Variants in USP8 observed in about 807,000 individuals in gnomAD.
USP8 encodes the protein ubiquitin specific peptidase 8, also known as ubiquitin carboxyl-terminal hydrolase 8.
In USP8, 27 loss-of-function variants were observed where a neutral mutation model predicts 130.0. That is an observed-to-expected ratio of 0.21 (90% CI 0.15 to 0.29). The LOEUF (loss-of-function observed/expected upper bound fraction) is 0.29. Among genes scored for constraint, USP8 ranks in the 10% least tolerant of loss-of-function variants. The probability of loss-of-function intolerance (pLI) is 1.00; values close to 1 mark genes in which losing one functional copy is unlikely to be tolerated. For synonymous variants in USP8, 392 were observed against 444.1 expected (o/e 0.88, Z 1.48); for missense variants, 1,029 against 1,312.2 (o/e 0.78, Z 3.33).
At chr15:50,486,187 A>G (rs1393303960) in intron 12 of USP8, among the ~76,000 whole-genome samples, 1 of 152,150 alleles carries the variant, frequency 6.6e-6, no homozygotes, top group Non-Finnish European at 1.5e-5. Flanking sequence ...ATTTCTCCAC[A>G]GAAAGAGGGG....
intron 17 of USP8, 168 bp from the exon 18 acceptor site, chr15:50,496,921 C>T: frequency 1.3e-6 from 1 of 787,790 alleles, no homozygotes; most frequent in Non-Finnish European, 1.9e-6. Flanking sequence ...TCATTGTTCA[C>T]TTGTCTATGC....
intron 1 of USP8, among the ~76,000 whole-genome samples, chr15:50,438,193 T>C (rs1209504612): frequency 2.0e-5 from 3 of 152,236 alleles, no homozygotes; most frequent in African/African-American, 7.2e-5. Flanking sequence ...CATCCCCTGC[T>C]CCAAGTTGTA....
chr15:50,458,117 T>C (rs1191275216), intron 4 of USP8, among the ~76,000 whole-genome samples: 3 of 152,188 alleles, frequency 2.0e-5, no homozygotes, highest in Non-Finnish European at 4.4e-5. Context: ...ACGTACAGTC[T>C]GTCCTGGCAA....
intron 4 of USP8, among the ~76,000 whole-genome samples, chr15:50,450,440 C>CAGTTTTT (rs1467113131): frequency 1.4e-5 from 2 of 140,202 alleles, no homozygotes; most frequent in Non-Finnish European, 3.1e-5. Context: ...CAGTATGTTT[C>CAGTTTTT]AGTTTTTAGT....
In USP8 at chr15:50,499,134, C is replaced by T; in HGVS notation, c.*46C>T. ...AGTTATCTTTTAAAAGGCTCAGCAACACAACTCTTGAAATGCTTATCAGGA... is the reference window on the plus strand; with the variant it reads ...AGTTATCTTTTAAAAGGCTCAGCAATACAACTCTTGAAATGCTTATCAGGA... On this transcript the variant is annotated 3_prime_UTR_variant, in exon 20 of 20. Coordinates refer to ENST00000307179, the MANE Select transcript of USP8 (RefSeq NM_005154.5). 6.6e-7 allele frequency: 1 copy of T among 1,516,238 alleles called. No individual in the cohort carries two copies. Among genetic ancestry groups the T allele is most frequent in the Non-Finnish European group, 8.8e-7 (1 of 1,130,754 alleles). 93.9% of individuals were successfully genotyped at this position (1,516,238 alleles called of 1,614,324 possible).
chr15:50,449,626 T>C (rs1047827623), intron 4 of USP8, 141 bp downstream of exon 4: 3 of 466,018 alleles, frequency 6.4e-6, no homozygotes, highest in Non-Finnish European at 1.0e-5. Context: ...CTGTCGCCCA[T>C]GCTGGAGTGC....
intron 3 of USP8, among the ~76,000 whole-genome samples, chr15:50,442,837 G>A (rs562592859): frequency 2.0e-5 from 3 of 152,196 alleles, no homozygotes; most frequent in South Asian, 4.2e-4. Flanking sequence ...GTGTTGCTGG[G>A]TTTACCTTTA....
rs768948506 is a variant in USP8 at position 50,470,375 on chromosome 15, T to C, written c.687-1258T>C. ...TTAGAAAGGCCTCACAGAGAAGTTA[T>C]TAGCAAATCTTGAAGAAATAAGGGA... On this transcript the variant is annotated intron_variant, in intron 7 of 19. Coordinates refer to ENST00000307179, the MANE Select transcript of USP8 (RefSeq NM_005154.5). Among the ~76,000 whole-genome samples the C allele has an allele frequency of 3.9e-5, 6 of 152,286 alleles. No individual in the cohort carries two copies. The East Asian group carries it at 7.7e-4, about 20-fold the overall frequency.
intron 10 of USP8, among the ~76,000 whole-genome samples, chr15:50,479,772 T>C (rs1266014248): frequency 6.6e-6 from 1 of 152,166 alleles, no homozygotes; most frequent in East Asian, 1.9e-4. Flanking sequence ...CTTTTCTTTT[T>C]TTTTTGAAAA....
In USP8 at chr15:50,500,304, T is replaced by C. The variant is rs1278826387; in HGVS notation, c.*1216T>C. 6.5e-6 allele frequency: 1 copy of C among 153,704 alleles called. No homozygotes were observed. The highest frequency in any genetic ancestry group is 2.4e-5 in the African/African-American group (1 of 41,460). 9.5% of individuals were successfully genotyped at this position (153,704 alleles called of 1,614,324 possible). On this transcript the variant is annotated 3_prime_UTR_variant, in exon 20 of 20. Coordinates refer to ENST00000307179, the MANE Select transcript of USP8 (RefSeq NM_005154.5). ...GCCATTTGAACAAAAATTATTTTTG[T>C]TTAGCTTCATGAGTATCTTTGGAAA... is the stretch of plus-strand genomic sequence containing the variant.
intron 1 of USP8, among the ~76,000 whole-genome samples, chr15:50,437,189 A>G (rs769929386): frequency 3.0e-4 from 45 of 151,866 alleles, no homozygotes; most frequent in Non-Finnish European, 5.6e-4. Flanking sequence ...ATATTCTTTT[A>G]TATGTTATAA....
In USP8 at chr15:50,514,193, A is replaced by T. The variant is rs1271130815; in HGVS notation, c.*15105A>T. The T allele has an allele frequency of 6.6e-6, 1 of 152,222 alleles. No individual in the cohort carries two copies. The highest frequency in any genetic ancestry group is 6.5e-5 in the Admixed American group (1 of 15,278). The allele number at this position is 152,222 out of a possible 1,614,324, so 9.4% of individuals were successfully genotyped here. ...TATACTGTACAATTCCATTTATACGAAGCATAAAATCAGGCAAAAATCTAT... is the reference window on the plus strand; with the variant it reads ...TATACTGTACAATTCCATTTATACGTAGCATAAAATCAGGCAAAAATCTAT... On this transcript the variant is annotated 3_prime_UTR_variant, in exon 20 of 20. Transcript: ENST00000307179.
rs2052556374 is a variant in USP8, at chr15:50,500,150, G to A, written c.*1062G>A. On this transcript the variant is annotated 3_prime_UTR_variant, in exon 20 of 20. Transcript: ENST00000307179. The stretch of plus-strand genomic sequence containing the variant: ...ACCACCATTAGCAGGCTCTCAGGGA[G>A]AAGATGAAAGGATGGGGTTCAAATT... The A allele has an allele frequency of 6.6e-6, 1 of 152,218 alleles. No homozygotes were observed. The highest frequency in any genetic ancestry group is 1.5e-5 in the Non-Finnish European group (1 of 68,076). The allele number at this position is 152,218 out of a possible 1,614,324, so 9.4% of individuals were successfully genotyped here.
chr15:50,447,100 C>G (rs996575104), intron 3 of USP8, among the ~76,000 whole-genome samples: 1 of 152,194 alleles, frequency 6.6e-6, no homozygotes, highest in African/African-American at 2.4e-5. Flanking sequence ...AATTAGAGCT[C>G]AGGTCCAGTT....
At chr15:50,453,860 CTTTTT>C (rs71124355) in intron 4 of USP8, among the ~76,000 whole-genome samples, 5 of 86,960 alleles carry the variant, frequency 5.7e-5, no homozygotes, top group Admixed American at 1.7e-4. Flanking sequence ...TGGGAATATT[CTTTTT>C]TTTTTTTTTT....
In USP8 at chr15:50,497,001, C is replaced by T. The variant is rs2052441247; in HGVS notation, c.2896-88C>T. On this transcript the variant is annotated intron_variant, in intron 17 of 19. Coordinates refer to ENST00000307179, the MANE Select transcript of USP8 (RefSeq NM_005154.5). Reference sequence around the variant, plus strand: ...GTAGATTGCTGTTGAATCACTGGTGCCTGCAGAGTGACTAACTAAATAGGT... The same window carrying T: ...GTAGATTGCTGTTGAATCACTGGTGTCTGCAGAGTGACTAACTAAATAGGT... 5.5e-6 allele frequency: 8 copies of T among 1,465,806 alleles called. No individual in the cohort carries two copies. In the Admixed American group the frequency reaches 1.8e-4, roughly 34 times the overall value. The allele number at this position is 1,465,806 out of a possible 1,614,324, so 90.8% of individuals were successfully genotyped here. A position where few individuals can be genotyped will look rare whatever the true frequency, so the allele number is the denominator to read the frequency against.
intron 3 of USP8, among the ~76,000 whole-genome samples, chr15:50,442,226 G>A (rs1018964878): frequency 3.9e-5 from 6 of 151,980 alleles, no homozygotes; most frequent in Admixed American, 6.6e-5. Flanking sequence ...TGCCTGCCTC[G>A]GCCTCCCAAA....
chr15:50,496,444 G>A (rs1052663854), intron 17 of USP8, among the ~76,000 whole-genome samples: 23 of 140,834 alleles, frequency 1.6e-4, no homozygotes, highest in Non-Finnish European at 6.0e-5. Flanking sequence ...TCTCGCCACT[G>A]CACTCCAGCC....
intron 15 of USP8, chr15:50,493,611 G>A: frequency 2.3e-6 from 1 of 435,802 alleles, no homozygotes; most frequent in Non-Finnish European, 4.5e-6. Flanking sequence ...TAGGTGTGGT[G>A]ATACATGCCT....
Sources: gnomAD v4.1 joint callset for allele counts (sites outside exome capture counted in the v4.1 genomes callset) on GRCh38, gnomAD v4.1.1 for gene constraint, MANE v1.5 for transcripts, NCBI Gene and HGNC (gene_info 2026-07-23, HGNC 2026-07-21) for gene names.